The following COL23A1 variants were observed in gnomAD, a reference collection of about 807,000 sequenced individuals.
COL23A1 encodes the protein collagen type XXIII alpha 1 chain.
COL23A1 carries 97 observed loss-of-function variants against 99.3 expected under a neutral mutation model. That is an observed-to-expected ratio of 0.98 (90% CI 0.83 to 1.16). COL23A1 has a LOEUF of 1.16. Ranked by LOEUF, COL23A1 falls within the 50% of genes most tolerant of loss-of-function variation. COL23A1 has a pLI of 0.00. For synonymous variants in COL23A1, 320 were observed against 308.2 expected (o/e 1.04, Z -0.40); for missense variants, 762 against 757.4 (o/e 1.01, Z -0.07).
At chr5:178,263,084 G>T in intron 9 of COL23A1, 124 bp downstream of exon 9, 1 of 800,278 alleles carries the variant, frequency 1.2e-6, no homozygotes, top group Non-Finnish European at 2.2e-6. Context: ...TCAGTGTCTG[G>T]ATTAGGGTTA....
intron 2 of COL23A1, among the ~76,000 whole-genome samples, chr5:178,378,401 G>T (rs902705524): frequency 5.9e-5 from 9 of 152,088 alleles, no homozygotes; most frequent in Admixed American, 5.9e-4. Context: ...GGACGATACC[G>T]GTATGGGACC....
At chr5:178,314,366 A>G (rs1334870883) in intron 2 of COL23A1, among the ~76,000 whole-genome samples, 3 of 152,178 alleles carry the variant, frequency 2.0e-5, no homozygotes, top group African/African-American at 7.2e-5. Flanking sequence ...AGGCACCGCC[A>G]TAGTCTTCGT....
At position 178,469,000 on chromosome 5, in the gene COL23A1, T is replaced by TCC. The variant is rs200760759; in HGVS notation, c.361+91681_361+91682insGG. On this transcript the variant is annotated intron_variant, in intron 2 of 28. Coordinates refer to ENST00000390654, the MANE Select transcript of COL23A1 (RefSeq NM_173465.4). This position sits in a 1 kb window ranked among gnomAD's most constrained non-coding sequence, Gnocchi z 4.2. ...GGTGCCTCACATAAGTGGAATCATA[T>TCC]CGTGTTTGTCCTTCTGTGTGTGGCT... Among the ~76,000 whole-genome samples the TCC allele has an allele frequency of 2.0e-4, 31 of 151,908 alleles. No individual in the cohort carries two copies. Among genetic ancestry groups the TCC allele is most frequent in the African/African-American group, 7.5e-4 (31 of 41,366 alleles).
At chr5:178,555,928 C>G (rs1762247829) in intron 2 of COL23A1, among the ~76,000 whole-genome samples, 1 of 152,224 alleles carries the variant, frequency 6.6e-6, no homozygotes, top group African/African-American at 2.4e-5. Flanking sequence ...CCCAGCCTCT[C>G]CCCACAGACT....
At chr5:178,449,866 T>C (rs891939352) in intron 2 of COL23A1, among the ~76,000 whole-genome samples, 2 of 152,068 alleles carry the variant, frequency 1.3e-5, no homozygotes, top group African/African-American at 4.8e-5. Context: ...ACTTCACGCG[T>C]TGTGTCCAAA....
At chr5:178,293,307 A>G (rs1757562054) in intron 3 of COL23A1, among the ~76,000 whole-genome samples, 1 of 152,022 alleles carries the variant, frequency 6.6e-6, no homozygotes, top group Non-Finnish European at 1.5e-5. Context: ...GCGCTGGCAC[A>G]GATGGGGGCC....
chr5:178,245,589 TCCATCCATTCAC>T (rs1261487184), intron 25 of COL23A1, among the ~76,000 whole-genome samples: 2 of 148,962 alleles, frequency 1.3e-5, no homozygotes, highest in Non-Finnish European at 3.0e-5. Flanking sequence ...CATTCATTCA[TCCATCCATTCAC>T]CCATCCATCC....
chr5:178,352,269 A>G (rs1761373126), intron 2 of COL23A1: 1 of 152,222 alleles, frequency 6.6e-6, no homozygotes, highest in Non-Finnish European at 1.5e-5. Flanking sequence ...TTGTCAAAAC[A>G]CCTTAGCGCT....
chr5:178,477,528 T>C (rs568558664), intron 2 of COL23A1, among the ~76,000 whole-genome samples: 1 of 152,318 alleles, frequency 6.6e-6, no homozygotes, highest in Admixed American at 6.5e-5. Context: ...GTGTCTTTCA[T>C]GTCTCCTTAT....
chr5:178,258,457 C>T lies in COL23A1; in HGVS notation c.730-890G>A, dbSNP rs545474383. Among the ~76,000 whole-genome samples the T allele has an allele frequency of 9.6e-5, 13 of 135,430 alleles. No homozygotes were observed. The South Asian group carries it at 3.4e-3, about 35-fold the overall frequency. The allele number at this position is 135,430 out of a possible 152,430, so 88.8% of individuals were successfully genotyped here. A position where few individuals can be genotyped will look rare whatever the true frequency, so the allele number is the denominator to read the frequency against. On this transcript the variant is annotated intron_variant, in intron 12 of 28. Coordinates refer to ENST00000390654, the MANE Select transcript of COL23A1 (RefSeq NM_173465.4). ...TGTCGCCCAGGTTGGAGTGCAGTGG[C>T]ACAATCTCGGCTCACTGTGAGCTCT...
At chr5:178,528,183 T>C (rs1487599352) in intron 2 of COL23A1, among the ~76,000 whole-genome samples, 1 of 152,178 alleles carries the variant, frequency 6.6e-6, no homozygotes, top group Non-Finnish European at 1.5e-5. Flanking sequence ...CTGGAAACCC[T>C]TGCCCCTCAC....
chr5:178,572,346 GA>G (rs1163317418), intron 1 of COL23A1, among the ~76,000 whole-genome samples: 4 of 150,850 alleles, frequency 2.7e-5, no homozygotes, highest in African/African-American at 9.7e-5. Context: ...GAGCAAAATA[GA>G]AAAAAAAATT....
chr5:178,453,322 C>T (rs773829407), intron 2 of COL23A1, among the ~76,000 whole-genome samples: 33 of 152,154 alleles, frequency 2.2e-4, no homozygotes, highest in Non-Finnish European at 4.6e-4. Context: ...ACTCTAGCCC[C>T]GTGAAGAGAT....
intron 2 of COL23A1, among the ~76,000 whole-genome samples, chr5:178,466,952 C>T (rs1448439550): frequency 1.3e-5 from 2 of 152,192 alleles, no homozygotes; most frequent in Admixed American, 6.5e-5. Flanking sequence ...GCCTCAGTTT[C>T]CCCAGCTGTA....
At chr5:178,537,644 C>T (rs10479497) in intron 2 of COL23A1, among the ~76,000 whole-genome samples, 11,214 of 152,260 alleles carry the variant, frequency 0.074, 1,242 homozygotes, top group East Asian at 0.49. Flanking sequence ...CTGCCGAAGG[C>T]GGCTGTGGGG....
intron 2 of COL23A1, among the ~76,000 whole-genome samples, chr5:178,515,014 C>CT (rs1275716698): frequency 1.2e-4 from 18 of 152,272 alleles, no homozygotes; most frequent in African/African-American, 4.3e-4. Context: ...ACAAGTCACT[C>CT]TCTTCGAAGC....
intron 2 of COL23A1, among the ~76,000 whole-genome samples, chr5:178,370,731 T>A (rs1393104053): frequency 6.6e-6 from 1 of 152,118 alleles, no homozygotes; most frequent in Non-Finnish European, 1.5e-5. Flanking sequence ...AATTATTCAA[T>A]CTAGTCCATC....
At chr5:178,286,749 G>A (rs890566508) in intron 5 of COL23A1, among the ~76,000 whole-genome samples, 3 of 152,222 alleles carry the variant, frequency 2.0e-5, no homozygotes, top group Non-Finnish European at 4.4e-5. Flanking sequence ...CCTGGCACCT[G>A]CTCTGGTGTG....
intron 2 of COL23A1, among the ~76,000 whole-genome samples, chr5:178,397,064 G>A (rs1459847382): frequency 6.6e-6 from 1 of 152,210 alleles, no homozygotes; most frequent in African/African-American, 2.4e-5. Context: ...AGGCTTTCTG[G>A]GACTCGGCTT....
Sources: gnomAD v4.1 joint callset for allele counts (sites outside exome capture counted in the v4.1 genomes callset) on GRCh38, gnomAD v4.1.1 for gene constraint, Gnocchi (gnomAD v3.1) non-coding constraint, MANE v1.5 for transcripts, NCBI Gene and HGNC (gene_info 2026-07-23, HGNC 2026-07-21) for gene names.